Variants in STS observed in about 807,000 individuals in gnomAD.
STS encodes the protein steroid sulfatase.
A neutral mutation model predicts 26.8 loss-of-function variants in STS; 7 were observed. That is an observed-to-expected ratio of 0.26 (90% CI 0.15 to 0.49). STS has a LOEUF of 0.49. STS is among the 20% of genes least tolerant of loss of function. The pLI, the probability that STS is intolerant of heterozygous loss-of-function variation, is 0.98. For synonymous variants in STS, 199 were observed against 189.4 expected (o/e 1.05, Z -0.42); for missense variants, 434 against 465.6 (o/e 0.93, Z 0.63).
chrX:7,326,056 C>A (rs141962879), intron 9 of STS, among the ~76,000 whole-genome samples: 1 of 111,426 alleles, frequency 9.0e-6, no homozygotes, highest in East Asian at 2.8e-4. Context: ...TTGGTTCTTA[C>A]GACCTGCATT....
chrX:7,237,135 GT>G (rs1403164311), intron 2 of STS, among the ~76,000 whole-genome samples: 1 of 104,574 alleles, frequency 9.6e-6, no homozygotes, highest in African/African-American at 3.5e-5. Flanking sequence ...CACCAATTTT[GT>G]TTAGATAAGG....
intron 2 of STS, among the ~76,000 whole-genome samples, chrX:7,245,722 A>G (rs1161401458): frequency 8.9e-6 from 1 of 112,325 alleles, no homozygotes; most frequent in African/African-American, 3.2e-5. Flanking sequence ...ATCAGTGCTG[A>G]GAAAGAAATG....
chrX:7,195,411 A>T (rs1219392475), intron 2 of STS, among the ~76,000 whole-genome samples: 1 of 112,332 alleles, frequency 8.9e-6, no homozygotes, highest in East Asian at 2.8e-4. Context: ...CAGAATCAGG[A>T]TTAACACAGG....
chrX:7,243,572 A>G (rs1317921943), intron 2 of STS, among the ~76,000 whole-genome samples: 3 of 112,021 alleles, frequency 2.7e-5, no homozygotes, highest in African/African-American at 6.5e-5. Context: ...AAAGCCAGCA[A>G]AAAGAGAATT....
chrX:7,327,848 T>C (rs1265255304), intron 9 of STS, among the ~76,000 whole-genome samples: 1 of 112,236 alleles, frequency 8.9e-6, no homozygotes, highest in Non-Finnish European at 1.9e-5. Flanking sequence ...GGCATGAATG[T>C]TTGCCATTTC....
At chrX:7,304,270 G>C (rs1926110000) in intron 7 of STS, among the ~76,000 whole-genome samples, 1 of 112,130 alleles carries the variant, frequency 8.9e-6, no homozygotes, top group South Asian at 3.7e-4. Flanking sequence ...AGGGTTCAGT[G>C]TGGTCTAAAC....
In STS at chrX:7,241,860, C is replaced by A. The variant is rs1922634439; in HGVS notation, c.-4-11336C>A. On this transcript the variant is annotated intron_variant, in intron 2 of 10. Coordinates refer to ENST00000674429, the MANE Select transcript of STS (RefSeq NM_001320752.2). ...ATCTGTGGTCCAAAAGTAGCAGGATCTCTTTCCAAGCTCATTCAGATAGTT... is the reference window on the plus strand; with the variant it reads ...ATCTGTGGTCCAAAAGTAGCAGGATATCTTTCCAAGCTCATTCAGATAGTT... Among the ~76,000 whole-genome samples, 3 of 112,100 alleles carry A rather than the reference C, an allele frequency of 2.7e-5. No individual in the cohort carries two copies. In the South Asian group the frequency reaches 1.1e-3, roughly 41 times the overall value.
chrX:7,246,481 G>A (rs1420530833), intron 2 of STS, among the ~76,000 whole-genome samples: 1 of 109,164 alleles, frequency 9.2e-6, no homozygotes, highest in Non-Finnish European at 1.9e-5. Context: ...TTTTTTTTTG[G>A]ATTTTTAGTA....
At chrX:7,293,185 G>C (rs186869785) in intron 7 of STS, among the ~76,000 whole-genome samples, 1 of 111,819 alleles carries the variant, frequency 8.9e-6, no homozygotes, top group Non-Finnish European at 1.9e-5. Flanking sequence ...TGTGCCCTTG[G>C]GCAGCCTCCT....
chrX:7,163,345 G>A (rs1933287754), intron 1 of STS, among the ~76,000 whole-genome samples: 1 of 112,533 alleles, frequency 8.9e-6, no homozygotes, highest in South Asian at 3.7e-4. Flanking sequence ...GATAAGAACC[G>A]GCATCTGGGA....
At chrX:7,188,102 A>C (rs1426159887) in intron 1 of STS, among the ~76,000 whole-genome samples, 1 of 112,043 alleles carries the variant, frequency 8.9e-6, no homozygotes, top group Non-Finnish European at 1.9e-5. Flanking sequence ...GAAGAGACTT[A>C]TTTTCATATA....
At chrX:7,334,272 T>A (rs745833020) in intron 10 of STS, among the ~76,000 whole-genome samples, 165 bp downstream of exon 10, 5 of 111,236 alleles carry the variant, frequency 4.5e-5, no homozygotes, top group African/African-American at 1.6e-4. Context: ...TCCTCCTCTC[T>A]TTTCGTTCTG....
intron 9 of STS, among the ~76,000 whole-genome samples, chrX:7,331,125 A>G (rs754411998): frequency 3.0e-3 from 332 of 111,172 alleles, no homozygotes; most frequent in African/African-American, 0.01. Context: ...CGTGGGAAGG[A>G]CATCCCACGT....
intron 2 of STS, among the ~76,000 whole-genome samples, chrX:7,196,693 C>T (rs1278950460): frequency 3.6e-5 from 4 of 111,928 alleles, no homozygotes; most frequent in African/African-American, 1.3e-4. Flanking sequence ...TTAATGCAAA[C>T]AATCTGAGCT....
intron 10 of STS, among the ~76,000 whole-genome samples, chrX:7,340,125 C>T (rs1206135465): frequency 9.1e-6 from 1 of 109,389 alleles, no homozygotes; most frequent in African/African-American, 3.3e-5. Flanking sequence ...TCCATCTAAG[C>T]TTGGCACCCA....
At chrX:7,325,034 T>C (rs768796319) in intron 8 of STS, among the ~76,000 whole-genome samples, 2 of 111,786 alleles carry the variant, frequency 1.8e-5, no homozygotes, top group East Asian at 2.8e-4. Flanking sequence ...ATTCCCTGAC[T>C]CCAGAGTCAT....
At chrX:7,190,667 TTGGGAGGCTGAGG>T (rs759279773) in intron 1 of STS, among the ~76,000 whole-genome samples, 200 bp from the exon 2 acceptor site, 23 of 109,787 alleles carry the variant, frequency 2.1e-4, no homozygotes, top group Non-Finnish European at 2.8e-4. Context: ...TCCCAGCTAC[TTGGGAGGCTGAGG>T]TGGGAGGATT....
At chrX:7,218,471 T>A (rs1341687976) in intron 2 of STS, among the ~76,000 whole-genome samples, 1 of 112,325 alleles carries the variant, frequency 8.9e-6, no homozygotes, top group Non-Finnish European at 1.9e-5. Context: ...CCTTGTAAAA[T>A]GATGCTTATG....
At chrX:7,244,650 A>G (rs1356935540) in intron 2 of STS, among the ~76,000 whole-genome samples, 1 of 111,439 alleles carries the variant, frequency 9.0e-6, no homozygotes, top group East Asian at 2.8e-4. Flanking sequence ...TTATTTCACA[A>G]CTAGGGGAGA....
Sources: gnomAD v4.1 joint callset for allele counts (sites outside exome capture counted in the v4.1 genomes callset) on GRCh38, gnomAD v4.1.1 for gene constraint, MANE v1.5 for transcripts, NCBI Gene and HGNC (gene_info 2026-07-23, HGNC 2026-07-21) for gene names.